Variants in FRMD5 observed in about 807,000 individuals in gnomAD.
FRMD5 encodes FERM domain containing 5, also known as FERM domain-containing protein 5.
FRMD5 carries 20 observed loss-of-function variants against 69.0 expected under a neutral mutation model. The observed-to-expected ratio is 0.29, with a 90% CI of 0.20 to 0.42. FRMD5 has a LOEUF of 0.42. Among genes scored for constraint, FRMD5 ranks in the 10% least tolerant of loss-of-function variants. FRMD5 has a pLI of 1.00. For missense variants in FRMD5, 595 were observed against 708.6 expected (o/e 0.84, Z 1.82); for synonymous variants, 271 against 260.1 (o/e 1.04, Z -0.40).
intron 10 of FRMD5, among the ~76,000 whole-genome samples, chr15:43,887,447 A>C (rs898900932): frequency 5.9e-5 from 9 of 152,222 alleles, no homozygotes; most frequent in African/African-American, 2.2e-4. Context: ...GGGAAGTGTG[A>C]CCATGCCAAA....
chr15:44,197,885 T>C (rs1488890656), upstream of FRMD5, among the ~76,000 whole-genome samples: 1 of 152,172 alleles, frequency 6.6e-6, no homozygotes, highest in Admixed American at 6.5e-5. Context: ...GGCAAAGCAC[T>C]ATGAATCCAG....
chr15:44,155,848 G>A (rs979096605), intron 1 of FRMD5, among the ~76,000 whole-genome samples: 3 of 152,076 alleles, frequency 2.0e-5, no homozygotes, highest in African/African-American at 7.2e-5. Context: ...GCCCGCCTCA[G>A]CCTTCCAAAG....
intron 1 of FRMD5, among the ~76,000 whole-genome samples, chr15:44,181,966 T>C (rs1300499967): frequency 2.6e-5 from 4 of 151,828 alleles, no homozygotes; most frequent in Non-Finnish European, 4.4e-5. Context: ...ACATGATGGG[T>C]TCATTTTTTC....
intron 1 of FRMD5, among the ~76,000 whole-genome samples, chr15:43,972,482 A>G (rs1452466812): frequency 6.6e-6 from 1 of 152,126 alleles, no homozygotes; most frequent in African/African-American, 2.4e-5. Flanking sequence ...CTCTCACCTG[A>G]TAAGAAAACC....
At chr15:44,025,157 G>C (rs916321898) in intron 1 of FRMD5, among the ~76,000 whole-genome samples, 1 of 152,090 alleles carries the variant, frequency 6.6e-6, no homozygotes, top group African/African-American at 2.4e-5. Context: ...TATGGTAGCT[G>C]CTACCACCAT....
intron 1 of FRMD5, among the ~76,000 whole-genome samples, chr15:43,973,594 C>T (rs1281759653): frequency 6.6e-6 from 1 of 151,790 alleles, no homozygotes; most frequent in Non-Finnish European, 1.5e-5. Flanking sequence ...TCTCGAACTC[C>T]TGACCCCAGA....
intron 13 of FRMD5, chr15:43,875,810 T>TTTGTTTTG (rs2088332665): frequency 2.7e-6 from 1 of 366,270 alleles, no homozygotes; most frequent in African/African-American, 2.2e-5. Context: ...CCTAGTTTTT[T>TTTGTTTTG]TTTTTTTTTT....
intron 1 of FRMD5, among the ~76,000 whole-genome samples, chr15:44,023,612 C>A (rs919450385): frequency 2.0e-5 from 3 of 152,118 alleles, no homozygotes; most frequent in Admixed American, 1.3e-4. Flanking sequence ...ATTTTTAAAG[C>A]CTCTTTTAAA....
At chr15:43,892,185 A>G in intron 7 of FRMD5, 116 bp from the exon 8 acceptor site, 1 of 847,854 alleles carries the variant, frequency 1.2e-6, no homozygotes, top group Non-Finnish European at 1.9e-6. Flanking sequence ...CACAGAGGGA[A>G]AAGCATATCA....
chr15:44,098,428 G>A (rs1341156391), intron 1 of FRMD5, among the ~76,000 whole-genome samples: 1 of 151,820 alleles, frequency 6.6e-6, no homozygotes, highest in African/African-American at 2.4e-5. Context: ...GGGAGGCTGA[G>A]GCAGGAGAAT....
chr15:44,142,218 A>G (rs1236204438), intron 1 of FRMD5, among the ~76,000 whole-genome samples: 1 of 152,166 alleles, frequency 6.6e-6, no homozygotes, highest in Admixed American at 6.5e-5. Flanking sequence ...TATATTAGCA[A>G]TCAGTCCATA....
intron 8 of FRMD5, among the ~76,000 whole-genome samples, 190 bp from the exon 9 acceptor site, chr15:43,889,062 A>T (rs1014495514): frequency 6.6e-6 from 1 of 152,182 alleles, no homozygotes; most frequent in African/African-American, 2.4e-5. Flanking sequence ...TTCAATCCAC[A>T]GTTTTCTGGT....
At chr15:44,179,753 T>C (rs192980208) in intron 1 of FRMD5, among the ~76,000 whole-genome samples, 3 of 152,290 alleles carry the variant, frequency 2.0e-5, no homozygotes, top group Admixed American at 6.5e-5. Context: ...GCCTCCTCAT[T>C]TGGCAAATAA....
intron 2 of FRMD5, among the ~76,000 whole-genome samples, chr15:43,921,172 C>T (rs1182414792): frequency 1.3e-5 from 2 of 152,200 alleles, no homozygotes; most frequent in East Asian, 3.8e-4. Flanking sequence ...TCAGAAACAA[C>T]TGGGGTTCCA....
intron 1 of FRMD5, among the ~76,000 whole-genome samples, chr15:44,144,842 A>T (rs2077331825): frequency 6.6e-6 from 1 of 152,186 alleles, no homozygotes; most frequent in Non-Finnish European, 1.5e-5. Context: ...AGATTGAGGA[A>T]ACCTGTGCTT....
At chr15:44,067,026 C>A (rs1482503756) in intron 1 of FRMD5, among the ~76,000 whole-genome samples, 1 of 151,634 alleles carries the variant, frequency 6.6e-6, no homozygotes, top group Non-Finnish European at 1.5e-5. Context: ...GAATTAAAGT[C>A]CAAGAAGAAG....
intron 1 of FRMD5, among the ~76,000 whole-genome samples, chr15:44,131,618 A>C (rs563034756): frequency 1.3e-5 from 2 of 152,348 alleles, no homozygotes; most frequent in Admixed American, 1.3e-4. Context: ...TTTAAAAGGA[A>C]GGAAATTCTG....
At chr15:44,104,263 T>C (rs1360500875) in intron 1 of FRMD5, among the ~76,000 whole-genome samples, 2 of 152,234 alleles carry the variant, frequency 1.3e-5, no homozygotes, top group Admixed American at 1.3e-4. Flanking sequence ...AATGTGTTTA[T>C]ATTTTAAGCT....
At chr15:43,999,969 T>TG (rs59520778) in intron 1 of FRMD5, among the ~76,000 whole-genome samples, 1 of 14,856 alleles carries the variant, frequency 6.7e-5, no homozygotes, top group Non-Finnish European at 3.9e-4. Context: ...TATATATATA[T>TG]ATATATATAT....
Sources: allele counts gnomAD v4.1 joint callset (sites outside exome capture counted in the v4.1 genomes callset), GRCh38; gene constraint gnomAD v4.1.1; transcripts MANE v1.5; gene names NCBI Gene and HGNC (gene_info 2026-07-23, HGNC 2026-07-21).